Variants in TBC1D12 observed in about 807,000 individuals in gnomAD.
TBC1D12 encodes the protein TBC1 domain family member 12.
In TBC1D12, 56 loss-of-function variants were observed where a neutral mutation model predicts 86.7. That is an observed-to-expected ratio of 0.65 (90% CI 0.52 to 0.81). The LOEUF is 0.81. TBC1D12 is among the 30% of genes least tolerant of loss of function. The probability of loss-of-function intolerance (pLI) is 0.00; values close to 1 mark genes in which losing one functional copy is unlikely to be tolerated. For synonymous variants in TBC1D12, 421 were observed against 411.7 expected (o/e 1.02, Z -0.27); for missense variants, 1,023 against 1,038.8 (o/e 0.98, Z 0.21).
At chr10:94,532,206 C>T (rs929639123) in intron 12 of TBC1D12, among the ~76,000 whole-genome samples, 6 of 140,712 alleles carry the variant, frequency 4.3e-5, no homozygotes, top group Non-Finnish European at 7.8e-5. Flanking sequence ...GAGACGGAGT[C>T]TCACTCTGTC....
intron 1 of TBC1D12, among the ~76,000 whole-genome samples, chr10:94,431,747 A>AACT (rs1365978552): frequency 6.6e-6 from 1 of 152,128 alleles, no homozygotes; most frequent in Non-Finnish European, 1.5e-5. Context: ...TCCTGTGGGG[A>AACT]TGGGGAGCAG....
intron 5 of TBC1D12, among the ~76,000 whole-genome samples, chr10:94,497,678 C>G (rs1200816214): frequency 3.1e-5 from 4 of 129,694 alleles, no homozygotes; most frequent in Non-Finnish European, 6.5e-5. Context: ...TGCCACCGCG[C>G]CTGGCTAATT....
intron 1 of TBC1D12, among the ~76,000 whole-genome samples, chr10:94,417,996 C>T (rs1482368899): frequency 5.9e-5 from 9 of 152,022 alleles, no homozygotes; most frequent in African/African-American, 1.9e-4. Flanking sequence ...CCTCGTGATC[C>T]GCCCACCTCG....
At chr10:94,438,338 C>T (rs925823020) in intron 1 of TBC1D12, among the ~76,000 whole-genome samples, 17 of 151,976 alleles carry the variant, frequency 1.1e-4, no homozygotes, top group African/African-American at 4.1e-4. Flanking sequence ...GTCTCTGTGG[C>T]TAGCTGGTGA....
At chr10:94,425,500 C>G (rs1053048885) in intron 1 of TBC1D12, among the ~76,000 whole-genome samples, 2 of 152,150 alleles carry the variant, frequency 1.3e-5, no homozygotes, top group Non-Finnish European at 2.9e-5. Flanking sequence ...AGCTGACTTT[C>G]ATTTGTTGTG....
At chr10:94,417,918 A>AT (rs886906632) in intron 1 of TBC1D12, among the ~76,000 whole-genome samples, 27 of 150,176 alleles carry the variant, frequency 1.8e-4, no homozygotes, top group African/African-American at 4.4e-4. Context: ...CTGCCTAATT[A>AT]TTTTTTTTTG....
intron 1 of TBC1D12, among the ~76,000 whole-genome samples, chr10:94,414,630 C>T (rs112529105): frequency 3.2e-4 from 45 of 141,616 alleles, no homozygotes; most frequent in African/African-American, 6.9e-4. Flanking sequence ...GACGGAGTCT[C>T]GCTCTGTCTC....
At chr10:94,473,723 T>G (rs1308706394) in intron 2 of TBC1D12, among the ~76,000 whole-genome samples, 1 of 152,142 alleles carries the variant, frequency 6.6e-6, no homozygotes, top group African/African-American at 2.4e-5. Context: ...GGAAAAAATG[T>G]GGGTACTGAA....
chr10:94,440,424 G>A (rs2055363759), intron 1 of TBC1D12, among the ~76,000 whole-genome samples: 2 of 152,074 alleles, frequency 1.3e-5, no homozygotes, highest in Non-Finnish European at 1.5e-5. Context: ...TGATCCTTTT[G>A]CTTTGGCCTC....
intron 11 of TBC1D12, among the ~76,000 whole-genome samples, chr10:94,528,507 G>A (rs1380810920): frequency 6.6e-6 from 1 of 152,178 alleles, no homozygotes; most frequent in Non-Finnish European, 1.5e-5. Flanking sequence ...AGATGGAGCA[G>A]TTGATCTTAA....
At position 94,531,239 on chromosome 10, in the gene TBC1D12, C is replaced by A; in HGVS notation, c.2038C>A (p.Leu680Met). The change falls in exon 12 of 13, where the codon CTG becomes ATG. Residue 680 changes from leucine to methionine, a missense_variant. Physicochemically the swap from Leu to Met is conservative, Grantham distance 15. Coordinates refer to ENST00000225235, the MANE Select transcript of TBC1D12 (RefSeq NM_015188.2). ...TLYSKSLPLD[L>M]ACRVWDVFCR... ...ATATAGCAAATCACTACCACTTGAT[C>A]TGGCCTGTCGAGTCTGGGATGTATT... The A allele has an allele frequency of 6.2e-7, 1 of 1,613,814 alleles. No homozygotes were observed. The highest frequency in any genetic ancestry group is 1.1e-5 in the South Asian group (1 of 91,028).
intron 2 of TBC1D12, among the ~76,000 whole-genome samples, chr10:94,452,394 T>C (rs1475756646): frequency 2.0e-5 from 3 of 152,156 alleles, no homozygotes; most frequent in African/African-American, 7.2e-5. Context: ...ATTGTAGTAT[T>C]ACACAGCATA....
In TBC1D12 at chr10:94,497,091, A is replaced by G; in HGVS notation, c.1331A>G (p.Lys444Arg). The G allele has an allele frequency of 6.4e-7, 1 of 1,568,910 alleles. No homozygotes were observed. Among genetic ancestry groups the G allele is most frequent in the Non-Finnish European group, 8.6e-7 (1 of 1,164,680 alleles). The change falls in exon 5 of 13, where the codon AAA becomes AGA. Residue 444 changes from lysine (K) to arginine (R), a missense_variant. By Grantham distance (26) the Lys-to-Arg change is conservative. Transcript: ENST00000225235. ...GCACATAAAAGAAAAAGAATCATGA[A>G]AGAACGATTTAAGCAGGAAGAAAAT... ...KEAHKRKRIM[K>R]ERFKQEENIA...
intron 1 of TBC1D12, among the ~76,000 whole-genome samples, chr10:94,437,715 ATTCT>A (rs2055323047): frequency 6.6e-6 from 1 of 151,368 alleles, no homozygotes; most frequent in Admixed American, 6.6e-5. Flanking sequence ...CTTTTTCTTC[ATTCT>A]TTTTTCTTTC....
chr10:94,416,777 C>G (rs929988545), intron 1 of TBC1D12, among the ~76,000 whole-genome samples: 3 of 152,038 alleles, frequency 2.0e-5, no homozygotes, highest in African/African-American at 7.2e-5. Flanking sequence ...AAGTTAGGAA[C>G]TTTACAGTAG....
At chr10:94,438,719 G>A (rs2055338501) in intron 1 of TBC1D12, among the ~76,000 whole-genome samples, 1 of 151,978 alleles carries the variant, frequency 6.6e-6, no homozygotes, top group African/African-American at 2.4e-5. Context: ...CCTTCATCAA[G>A]CACTCCCCTG....
intron 1 of TBC1D12, 97 bp downstream of exon 1, chr10:94,403,681 G>GAGCGA: frequency 7.3e-7 from 1 of 1,377,786 alleles, no homozygotes; most frequent in Non-Finnish European, 9.3e-7. Flanking sequence ...AGCCGGAGCG[G>GAGCGA]AGAGCTTGGT....
At chr10:94,520,611 A>G (rs1286201203) in intron 9 of TBC1D12, among the ~76,000 whole-genome samples, 1 of 152,194 alleles carries the variant, frequency 6.6e-6, no homozygotes, top group Non-Finnish European at 1.5e-5. Flanking sequence ...GATTGTAGGC[A>G]TCCCTTTCAA....
At position 94,533,869 on chromosome 10, in the gene TBC1D12, G is replaced by T. The variant is rs1324104316; in HGVS notation, c.*773G>T. 1.3e-5 allele frequency: 2 copies of T among 152,156 alleles called. No individual in the cohort carries two copies. The highest frequency in any genetic ancestry group is 2.9e-5 in the Non-Finnish European group (2 of 68,014). The allele number at this position is 152,156 out of a possible 1,614,324, so 9.4% of individuals were successfully genotyped here. ...AAGGAAAGTGCTTTGCACTTCAGTG[G>T]ATTGAAGACTTGACTTTGAGAGTAA... On this transcript the variant is annotated 3_prime_UTR_variant, in exon 13 of 13. Coordinates refer to ENST00000225235, the MANE Select transcript of TBC1D12 (RefSeq NM_015188.2).
Sources: allele counts gnomAD v4.1 joint callset (sites outside exome capture counted in the v4.1 genomes callset), GRCh38; gene constraint gnomAD v4.1.1; transcripts MANE v1.5; gene names NCBI Gene and HGNC (gene_info 2026-07-23, HGNC 2026-07-21).